Variants in ZNF169 observed in about 807,000 individuals in gnomAD.
ZNF169 encodes zinc finger protein 169.
A neutral mutation model predicts 12.0 loss-of-function variants in ZNF169; 11 were observed. The observed-to-expected ratio is 0.92, with a 90% CI of 0.58 to 1.52. The LOEUF is 1.52. Among genes scored for constraint, ZNF169 ranks in the 40% most tolerant of loss-of-function variants. ZNF169 has a pLI of 0.00. For synonymous variants in ZNF169, 302 were observed against 286.5 expected, an observed-to-expected ratio of 1.05 and a Z score of -0.55; for missense variants, 722 against 744.0, an observed-to-expected ratio of 0.97 and a Z score of 0.34.
At chr9:94,278,495 T>G (rs1389398383) in intron 1 of ZNF169, among the ~76,000 whole-genome samples, 2 of 152,230 alleles carry the variant, frequency 1.3e-5, no homozygotes. Flanking sequence ...TTTCTTTTAA[T>G]GGAGTCCACA....
chr9:94,286,674 T>C (rs766628892), intron 2 of ZNF169, among the ~76,000 whole-genome samples: 1 of 152,198 alleles, frequency 6.6e-6, no homozygotes, highest in Admixed American at 6.5e-5. Flanking sequence ...GGTGAGAATA[T>C]GACAGAAGTC....
At chr9:94,275,645 C>T (rs951897590) in intron 1 of ZNF169, among the ~76,000 whole-genome samples, 2 of 151,932 alleles carry the variant, frequency 1.3e-5, no homozygotes, top group African/African-American at 4.8e-5. Flanking sequence ...TCTCTCAGTC[C>T]GTGGGTTGTC....
At chr9:94,260,709 T>C (rs1830187531) in intron 1 of ZNF169, among the ~76,000 whole-genome samples, 1 of 151,766 alleles carries the variant, frequency 6.6e-6, no homozygotes, top group Non-Finnish European at 1.5e-5. Flanking sequence ...ATGGTGCCCA[T>C]AGGGCCAAGG....
In ZNF169 at chr9:94,301,245, A is replaced by G. The variant is rs376384147; in HGVS notation, c.1687A>G (p.Thr563Ala). ...GTCTGCCCTCATCCGACATCAGCGGACCCATTCTGGGGAGAAGCCGTATGT... is the reference window on the plus strand; with the variant it reads ...GTCTGCCCTCATCCGACATCAGCGGGCCCATTCTGGGGAGAAGCCGTATGT... ...FKSALIRHQR[T>A]HSGEKPYVCR... The change falls in exon 5 of 5, where the codon ACC becomes GCC. Residue 563 changes from threonine to alanine, a missense_variant. Coordinates refer to ENST00000395395, the MANE Select transcript of ZNF169 (RefSeq NM_194320.4). 198 of 1,613,814 alleles carry G rather than the reference A, an allele frequency of 1.2e-4. No homozygotes were observed. The highest frequency in any genetic ancestry group is 1.6e-4 in the Non-Finnish European group (193 of 1,180,002).
chr9:94,266,265 T>C (rs1441126463), intron 1 of ZNF169, among the ~76,000 whole-genome samples: 1 of 152,192 alleles, frequency 6.6e-6, no homozygotes, highest in African/African-American at 2.4e-5. Flanking sequence ...AGACCTGACC[T>C]GCCACAATCC....
chr9:94,301,167 T>TCA lies in ZNF169; in HGVS notation c.1610_1611dup (p.Gly538GlnfsTer82), dbSNP rs749095996. 6.2e-7 allele frequency: 1 copy of TCA among 1,614,032 alleles called. No individual in the cohort carries two copies. Among genetic ancestry groups the TCA allele is most frequent in the Non-Finnish European group, 8.5e-7 (1 of 1,180,004 alleles). ...CCTTATCTCTGACCAAAGGACACAC[T>TCA]CAGGAGAGAAGCCCTGCATTTGCGA... On this transcript the variant is annotated frameshift_variant, in exon 5 of 5. Transcript: ENST00000395395. LOFTEE classifies it low-confidence loss of function (END_TRUNC).
At chr9:94,277,405 G>A (rs560855146) in intron 1 of ZNF169, among the ~76,000 whole-genome samples, 5 of 152,052 alleles carry the variant, frequency 3.3e-5, no homozygotes, top group African/African-American at 9.7e-5. Flanking sequence ...GGGGAAAGGG[G>A]ATTCTCTATA....
intron 1 of ZNF169, among the ~76,000 whole-genome samples, chr9:94,260,729 C>A (rs1337444130): frequency 6.6e-6 from 1 of 151,470 alleles, no homozygotes; most frequent in Non-Finnish European, 1.5e-5. Flanking sequence ...GAACATTTTT[C>A]TCAAGCCTCA....
chr9:94,259,870 GTTTA>G (rs1443734299), intron 1 of ZNF169, among the ~76,000 whole-genome samples: 11 of 150,852 alleles, frequency 7.3e-5, no homozygotes, highest in Non-Finnish European at 3.0e-5. Context: ...CAGTCGGGTT[GTTTA>G]TTTGTTTATT....
chr9:94,275,792 T>G (rs1055048285), intron 1 of ZNF169, among the ~76,000 whole-genome samples: 7 of 151,466 alleles, frequency 4.6e-5, no homozygotes, highest in South Asian at 2.1e-4. Context: ...ATCTGTTTTT[T>G]TTTTTTTTTT....
intron 1 of ZNF169, among the ~76,000 whole-genome samples, chr9:94,271,229 G>A (rs1189793254): frequency 6.7e-6 from 1 of 149,744 alleles, no homozygotes; most frequent in Non-Finnish European, 1.5e-5. Context: ...CTGCATAGCT[G>A]GGACTACAGT....
intron 1 of ZNF169, among the ~76,000 whole-genome samples, chr9:94,264,976 C>T (rs769014286): frequency 7.2e-6 from 1 of 138,958 alleles, no homozygotes; most frequent in Admixed American, 7.2e-5. Flanking sequence ...TCTTTTTTTT[C>T]CAGGGTTCTT....
intron 2 of ZNF169, among the ~76,000 whole-genome samples, chr9:94,279,746 G>A (rs1259205578): frequency 1.3e-5 from 2 of 152,242 alleles, no homozygotes; most frequent in Non-Finnish European, 2.9e-5. Context: ...ACAGCCAGTG[G>A]TCTTTAGCCA....
At chr9:94,261,196 C>T (rs1467434301) in intron 1 of ZNF169, among the ~76,000 whole-genome samples, 1 of 152,052 alleles carries the variant, frequency 6.6e-6, no homozygotes, top group Non-Finnish European at 1.5e-5. Flanking sequence ...CACGCGCTAC[C>T]ACACCTGGCT....
intron 2 of ZNF169, chr9:94,288,179 G>T: frequency 1.2e-6 from 1 of 813,388 alleles, no homozygotes; most frequent in Non-Finnish European, 2.2e-6. Context: ...CTCAGCCCAG[G>T]TTAATGTGCT....
intron 2 of ZNF169, among the ~76,000 whole-genome samples, chr9:94,283,127 G>A (rs1830669068): frequency 6.6e-6 from 1 of 152,146 alleles, no homozygotes; most frequent in Non-Finnish European, 1.5e-5. Context: ...TTACAGAGTA[G>A]GGGCCGGGTG....
At chr9:94,262,808 C>T (rs1471532586) in intron 1 of ZNF169, among the ~76,000 whole-genome samples, 1 of 152,130 alleles carries the variant, frequency 6.6e-6, no homozygotes, top group African/African-American at 2.4e-5. Flanking sequence ...CTCTCTGCTC[C>T]CTTTTACAGT....
In ZNF169 at chr9:94,300,856, C is replaced by G. The variant is rs1181959353; in HGVS notation, c.1298C>G (p.Pro433Arg). Reference sequence around the variant, plus strand: ...ACAGGGGAGAAGCCTTACCTGTGCCCCCAGTGTGGGCGGGGTTTTAGCCAG... The same window carrying G: ...ACAGGGGAGAAGCCTTACCTGTGCCGCCAGTGTGGGCGGGGTTTTAGCCAG... Reference protein sequence around the residue: ...THTGEKPYLCPQCGRGFSQKV... With the variant: ...THTGEKPYLCRQCGRGFSQKV... The change falls in exon 5 of 5, where the codon CCC becomes CGC. Residue 433 changes from proline (P) to arginine (R), a missense_variant. Coordinates refer to ENST00000395395, the MANE Select transcript of ZNF169 (RefSeq NM_194320.4). The G allele has an allele frequency of 6.2e-7, 1 of 1,613,660 alleles. No individual in the cohort carries two copies. Among genetic ancestry groups the G allele is most frequent in the Admixed American group, 1.7e-5 (1 of 59,966 alleles).
Position 94,300,323 on chromosome 9 carries a change from A to C in ZNF169, c.765A>C (p.Thr255=), listed in dbSNP as rs1268084569. 7 of 1,614,056 alleles carry C rather than the reference A, an allele frequency of 4.3e-6. No homozygotes were observed. Among genetic ancestry groups the C allele is most frequent in the Non-Finnish European group, 5.9e-6 (7 of 1,180,016 alleles). Residue 255 remains threonine, a synonymous_variant, in exon 5 of 5, where the codon ACA becomes ACC. Coordinates refer to ENST00000395395, the MANE Select transcript of ZNF169 (RefSeq NM_194320.4). ...QRSDLIKHQR[T]HTGEKPYLCP... Reference sequence around the variant, plus strand: ...CAGACCTTATCAAGCACCAGAGGACACACACCGGGGAGAAGCCATACCTGT... The same window carrying C: ...CAGACCTTATCAAGCACCAGAGGACCCACACCGGGGAGAAGCCATACCTGT...
Sources: gnomAD v4.1 joint callset for allele counts (sites outside exome capture counted in the v4.1 genomes callset) on GRCh38, gnomAD v4.1.1 for gene constraint, MANE v1.5 for transcripts, NCBI Gene and HGNC (gene_info 2026-07-23, HGNC 2026-07-21) for gene names.